CAST: variants seen among roughly 807,000 people sequenced by gnomAD.
CAST encodes MIR583 host.
A neutral mutation model predicts 119.6 loss-of-function variants in CAST; 76 were observed. The observed-to-expected ratio is 0.64, with a 90% confidence interval of 0.53 to 0.77. The LOEUF is 0.77. Ranked by LOEUF, CAST falls within the 30% of genes least tolerant of loss-of-function variation. The pLI is 0.00. For synonymous variants in CAST, 319 were observed against 331.6 expected (o/e 0.96, Z 0.41); for missense variants, 953 against 946.5 (o/e 1.01, Z -0.09).
chr5:96,415,151 C>G, the CAST span, among the ~76,000 whole-genome samples: 1 of 152,192 alleles, frequency 6.6e-6, no homozygotes, highest in Non-Finnish European at 1.5e-5. Context: ...CTCTTGGCCC[C>G]TGCAGATACA....
At chr5:96,273,581 G>T in the CAST span, among the ~76,000 whole-genome samples, 18 of 152,184 alleles carry the variant, frequency 1.2e-4, 1 homozygote, top group Non-Finnish European at 2.6e-4. Flanking sequence ...GTTTTAGTTG[G>T]TTATATATTG....
At chr5:96,768,188 A>G (rs1189798974) in intron 29 of CAST, among the ~76,000 whole-genome samples, 189 bp downstream of exon 29, 1 of 152,080 alleles carries the variant, frequency 6.6e-6, no homozygotes, top group Non-Finnish European at 1.5e-5. Flanking sequence ...GGCTCAAGCA[A>G]TCCTCCTACC....
At chr5:96,365,612 T>C in the CAST span, among the ~76,000 whole-genome samples, 1 of 152,230 alleles carries the variant, frequency 6.6e-6, no homozygotes, top group South Asian at 2.1e-4. Context: ...CTTTGTTGGT[T>C]TAAAGTCTGT....
chr5:96,262,701 T>G, the CAST span, among the ~76,000 whole-genome samples: 10 of 152,030 alleles, frequency 6.6e-5, 1 homozygote, highest in South Asian at 2.1e-4. Flanking sequence ...GGCTAATTTT[T>G]TGTGTGTGTA....
At chr5:96,700,734 A>G (rs1319863208) in intron 3 of CAST, among the ~76,000 whole-genome samples, 1 of 152,152 alleles carries the variant, frequency 6.6e-6, no homozygotes, top group Non-Finnish European at 1.5e-5. Flanking sequence ...GTGGGGGAAG[A>G]GCCCAGGATT....
At chr5:96,263,209 C>T in the CAST span, among the ~76,000 whole-genome samples, 2 of 152,142 alleles carry the variant, frequency 1.3e-5, no homozygotes, top group Admixed American at 1.3e-4. Context: ...CTGAGAATCC[C>T]AGCCTTTGTT....
chr5:96,620,578 T>C (rs1482977601), intron 1 of CAST, among the ~76,000 whole-genome samples: 3 of 152,170 alleles, frequency 2.0e-5, no homozygotes, highest in Admixed American at 6.5e-5. Context: ...ACCTTTAAGA[T>C]ATGCTAGGTT....
the CAST span, among the ~76,000 whole-genome samples, chr5:96,260,874 G>A: frequency 1.3e-5 from 2 of 152,248 alleles, no homozygotes; most frequent in Non-Finnish European, 2.9e-5. Flanking sequence ...GACCAAGTCA[G>A]TGTCTAAAAG....
At chr5:96,403,153 C>A in the CAST span, among the ~76,000 whole-genome samples, 3 of 152,082 alleles carry the variant, frequency 2.0e-5, no homozygotes, top group East Asian at 5.8e-4. Context: ...TGTAGTAGAG[C>A]ATTTATTTTA....
At chr5:96,287,530 A>G in the CAST span, among the ~76,000 whole-genome samples, 43 of 152,264 alleles carry the variant, frequency 2.8e-4, no homozygotes, top group Admixed American at 9.2e-4. Flanking sequence ...GGGAAAAACC[A>G]ATAAGCATAC....
chr5:96,295,019 T>C, the CAST span, among the ~76,000 whole-genome samples: 1 of 152,298 alleles, frequency 6.6e-6, no homozygotes, highest in East Asian at 1.9e-4. Flanking sequence ...AATGTTGTGT[T>C]TCTCTATCTG....
chr5:96,311,660 T>C, the CAST span, among the ~76,000 whole-genome samples: 1 of 152,076 alleles, frequency 6.6e-6, no homozygotes, highest in Non-Finnish European at 1.5e-5. Context: ...CATAATATCC[T>C]TCTTTGTCTC....
intron 1 of CAST, among the ~76,000 whole-genome samples, chr5:96,581,784 A>G (rs1306973104): frequency 6.6e-6 from 1 of 152,070 alleles, no homozygotes; most frequent in Non-Finnish European, 1.5e-5. Flanking sequence ...CCAGCTACTC[A>G]GGAGGCTGAG....
chr5:96,480,114 GA>G, the CAST span, among the ~76,000 whole-genome samples: 1 of 152,126 alleles, frequency 6.6e-6, no homozygotes, highest in African/African-American at 2.4e-5. Flanking sequence ...TTTCGGTGGG[GA>G]AAATAAAATG....
the CAST span, among the ~76,000 whole-genome samples, chr5:96,472,871 G>T: frequency 6.6e-6 from 1 of 152,174 alleles, no homozygotes. Context: ...GGTTCTTGAG[G>T]CTAGAAGTCT....
At chr5:96,128,474 T>C in the CAST span, among the ~76,000 whole-genome samples, 1 of 152,134 alleles carries the variant, frequency 6.6e-6, no homozygotes, top group Non-Finnish European at 1.5e-5. Context: ...GCTCCTGGTT[T>C]ATTTTTTATT....
At chr5:96,409,470 G>T in the CAST span, among the ~76,000 whole-genome samples, 1 of 152,188 alleles carries the variant, frequency 6.6e-6, no homozygotes, top group Admixed American at 6.5e-5. Context: ...TAAGAAAAAG[G>T]TTATGTTACT....
At chr5:96,167,864 G>C in the CAST span, among the ~76,000 whole-genome samples, 1 of 152,194 alleles carries the variant, frequency 6.6e-6, no homozygotes, top group East Asian at 1.9e-4. Context: ...GGGGCCAAAT[G>C]CCCGAGCTTC....
At chr5:96,262,639 C>T in the CAST span, among the ~76,000 whole-genome samples, 1 of 152,180 alleles carries the variant, frequency 6.6e-6, no homozygotes, top group Non-Finnish European at 1.5e-5. Flanking sequence ...ATGCCATTCT[C>T]CTGCCTCAGC....
Sources: allele counts gnomAD v4.1 joint callset (sites outside exome capture counted in the v4.1 genomes callset), GRCh38; gene constraint gnomAD v4.1.1; transcripts MANE v1.5; gene names NCBI Gene and HGNC (gene_info 2026-07-23, HGNC 2026-07-21).